Variants in LOC400499 observed in about 807,000 individuals in gnomAD.
the LOC400499 span, among the ~76,000 whole-genome samples, chr16:11,383,134 CAGCTCACTGCAAGCTCTGCCTCCTG>C: frequency 6.6e-6 from 1 of 151,734 alleles, no homozygotes; most frequent in African/African-American, 2.4e-5. Flanking sequence ...GGTGCAGTCT[CAGCTCACTGCAAGCTCTGCCTCCTG>C]GGTTCACGCC....
the LOC400499 span, among the ~76,000 whole-genome samples, chr16:11,377,091 CTA>C: frequency 6.6e-6 from 1 of 152,132 alleles, no homozygotes; most frequent in Non-Finnish European, 1.5e-5. Context: ...GTAGCTGAGA[CTA>C]TAGGCGTGCA....
the LOC400499 span, among the ~76,000 whole-genome samples, chr16:11,479,422 G>T: frequency 6.6e-6 from 1 of 151,198 alleles, no homozygotes. Flanking sequence ...AGACCAACCT[G>T]GACAGCATAT....
the LOC400499 span, chr16:11,387,252 C>T: frequency 3.2e-4 from 398 of 1,232,260 alleles, no homozygotes; most frequent in Middle Eastern, 9.4e-4. Context: ...AGGGGCTCGT[C>T]CCCCGCAGGC....
chr16:11,444,149 G>C, the LOC400499 span, among the ~76,000 whole-genome samples: 4 of 152,112 alleles, frequency 2.6e-5, no homozygotes, highest in Non-Finnish European at 5.9e-5. Context: ...CCCAATCCCA[G>C]CACTTTGGAA....
the LOC400499 span, chr16:11,467,253 G>C: frequency 6.8e-6 from 1 of 147,656 alleles, no homozygotes; most frequent in East Asian, 2.0e-4. Context: ...GCGCCCAGCT[G>C]CCAAGCTATA....
chr16:11,447,959 G>T, the LOC400499 span: 2 of 1,535,872 alleles, frequency 1.3e-6, no homozygotes, highest in Non-Finnish European at 1.7e-6. Flanking sequence ...CCCCGTTTCC[G>T]GTACAATGTC....
chr16:11,462,679 T>C, the LOC400499 span, among the ~76,000 whole-genome samples: 1 of 152,118 alleles, frequency 6.6e-6, no homozygotes, highest in African/African-American at 2.4e-5. Context: ...CGCCCTGGCC[T>C]TCCAAAGTGT....
the LOC400499 span, among the ~76,000 whole-genome samples, chr16:11,491,506 T>G: frequency 1.3e-5 from 2 of 152,134 alleles, no homozygotes; most frequent in Non-Finnish European, 2.9e-5. Flanking sequence ...GGGACTGGAA[T>G]TGCCATGTGG....
chr16:11,460,036 C>A, the LOC400499 span: 1 of 1,458,696 alleles, frequency 6.9e-7, no homozygotes, highest in South Asian at 1.5e-5. Context: ...CCCGAGTCCT[C>A]CTCATGCCAG....
At chr16:11,396,630 G>A in the LOC400499 span, 2 of 1,232,142 alleles carry the variant, frequency 1.6e-6, no homozygotes, top group Non-Finnish European at 2.0e-6. Flanking sequence ...GAACGCAGCA[G>A]GAGTCCACCC....
chr16:11,402,855 C>T, the LOC400499 span, among the ~76,000 whole-genome samples: 9 of 152,182 alleles, frequency 5.9e-5, no homozygotes, highest in South Asian at 1.2e-3. Flanking sequence ...TGGGGGCAGC[C>T]GCAACCTCAA....
At chr16:11,403,439 G>A in the LOC400499 span, among the ~76,000 whole-genome samples, 3 of 152,076 alleles carry the variant, frequency 2.0e-5, no homozygotes, top group Non-Finnish European at 4.4e-5. Flanking sequence ...GCACACACGT[G>A]CATGTATACA....
the LOC400499 span, among the ~76,000 whole-genome samples, chr16:11,519,265 C>G: frequency 6.6e-6 from 1 of 152,116 alleles, no homozygotes; most frequent in Non-Finnish European, 1.5e-5. Context: ...ATAGCACCAA[C>G]AAGAATATGT....
chr16:11,484,515 A>C, the LOC400499 span, among the ~76,000 whole-genome samples: 1 of 152,180 alleles, frequency 6.6e-6, no homozygotes, highest in Non-Finnish European at 1.5e-5. Context: ...ATGCTGCCAG[A>C]AGTCAGAAGA....
chr16:11,457,421 G>A, the LOC400499 span, among the ~76,000 whole-genome samples: 5 of 151,914 alleles, frequency 3.3e-5, no homozygotes, highest in South Asian at 8.3e-4. Flanking sequence ...GTGAAACCCC[G>A]TCTTTACTAA....
At chr16:11,510,243 C>T in the LOC400499 span, among the ~76,000 whole-genome samples, 1 of 151,666 alleles carries the variant, frequency 6.6e-6, no homozygotes, top group Non-Finnish European at 1.5e-5. Context: ...TAGATGCTGT[C>T]CAACACCATC....
the LOC400499 span, chr16:11,443,321 C>T: frequency 2.8e-6 from 1 of 357,720 alleles, no homozygotes; most frequent in Non-Finnish European, 5.1e-6. Flanking sequence ...AAGACTCGAT[C>T]CTCAGTCTCA....
At chr16:11,466,263 C>T in the LOC400499 span, among the ~76,000 whole-genome samples, 3 of 152,158 alleles carry the variant, frequency 2.0e-5, no homozygotes, top group East Asian at 1.9e-4. Context: ...TCTATACCAG[C>T]GCCAACCAAT....
the LOC400499 span, among the ~76,000 whole-genome samples, chr16:11,484,302 C>T: frequency 6.6e-6 from 1 of 152,156 alleles, no homozygotes; most frequent in South Asian, 2.1e-4. Context: ...CCACTACGCC[C>T]GGCCGCAGGA....
Sources: allele counts gnomAD v4.1 joint callset (sites outside exome capture counted in the v4.1 genomes callset), GRCh38; gene constraint gnomAD v4.1.1; transcripts MANE v1.5.